The following SPTY2D1 variants were observed in gnomAD, a reference collection of about 807,000 sequenced individuals.
SPTY2D1 encodes the protein SPT2 chromatin protein domain containing 1.
A neutral mutation model predicts 64.0 loss-of-function variants in SPTY2D1; 21 were observed. The observed-to-expected ratio is 0.33, with a 90% confidence interval of 0.23 to 0.47. The LOEUF is 0.47. Ranked by LOEUF, SPTY2D1 falls within the 20% of genes least tolerant of loss-of-function variation. The probability of loss-of-function intolerance (pLI) is 1.00; values close to 1 mark genes in which losing one functional copy is unlikely to be tolerated. For synonymous variants in SPTY2D1, 287 were observed against 286.8 expected, an observed-to-expected ratio of 1.00 and a Z score of -0.01; for missense variants, 724 against 837.2, an observed-to-expected ratio of 0.86 and a Z score of 1.67.
At chr11:18,613,737 A>T in intron 3 of SPTY2D1, among the ~76,000 whole-genome samples, 1 of 152,212 alleles carries the variant, frequency 6.6e-6, no homozygotes, top group Middle Eastern at 3.2e-3. Flanking sequence ...AGCATAAAGC[A>T]AGTACGACCT....
chr11:18,623,176 A>T (rs555476898), intron 1 of SPTY2D1, among the ~76,000 whole-genome samples: 80 of 151,928 alleles, frequency 5.3e-4, no homozygotes, highest in South Asian at 1.9e-3. Flanking sequence ...TCACAAATTT[A>T]AAAAAAAACT....
chr11:18,627,647 G>C (rs1018604645), intron 1 of SPTY2D1, among the ~76,000 whole-genome samples: 2 of 152,166 alleles, frequency 1.3e-5, no homozygotes, highest in Non-Finnish European at 2.9e-5. Context: ...GGGAGGCCGA[G>C]GGGGGTGGAT....
At chr11:18,620,714 G>A (rs767576665) in intron 1 of SPTY2D1, among the ~76,000 whole-genome samples, 1 of 151,510 alleles carries the variant, frequency 6.6e-6, no homozygotes, top group South Asian at 2.1e-4. Context: ...GTGAAACCCT[G>A]TCTCTACTAA....
Position 18,612,305 on chromosome 11 carries a change from T to C in SPTY2D1, c.1886+9A>G. On this transcript the variant is annotated intron_variant, in intron 4 of 5. Transcript: ENST00000336349. The surrounding 1 kb of genome is among the most constrained non-coding windows in gnomAD (Gnocchi z 4.6). ...ATGTCATAGTTATCTGAATCTTCTT[T>C]AGTCTTACTTTTTTCGGTCATAACC... 1 of 1,582,866 alleles carries C rather than the reference T, an allele frequency of 6.3e-7. No homozygotes were observed. Among genetic ancestry groups the C allele is most frequent in the Non-Finnish European group, 8.6e-7 (1 of 1,168,162 alleles).
rs753453962 is a variant in SPTY2D1, at chr11:18,614,781, C to T, written c.1493G>A (p.Gly498Asp). 38 of 1,612,570 alleles carry T rather than the reference C, an allele frequency of 2.4e-5. No homozygotes were observed. The South Asian group carries it at 3.6e-4, about 15-fold the overall frequency. The part of the protein sequence containing the change: ...SVSGPGRSIS[G>D]SIPAGRTVSN... ...GACAGTCCGTCCAGCTGGAATTGAG[C>T]CACTTATGGATCTCCCAGGGCCACT... The change falls in exon 3 of 6, where the codon GGC becomes GAC. Residue 498 changes from glycine (G) to aspartate (D), a missense_variant. By Grantham distance (94) the Gly-to-Asp change is moderately conservative. Coordinates refer to ENST00000336349, the MANE Select transcript of SPTY2D1 (RefSeq NM_194285.3).
chr11:18,621,107 C>A (rs1424756025), intron 1 of SPTY2D1, among the ~76,000 whole-genome samples: 4 of 151,090 alleles, frequency 2.6e-5, no homozygotes, highest in Non-Finnish European at 5.9e-5. Flanking sequence ...AGTTCGAGAC[C>A]AGCCTGGTCA....
intron 2 of SPTY2D1, 78 bp downstream of exon 2, chr11:18,616,797 G>C: frequency 7.3e-7 from 1 of 1,378,158 alleles, no homozygotes; most frequent in Non-Finnish European, 1.0e-6. Flanking sequence ...TGTTTTTATA[G>C]ACAGCCACTG....
chr11:18,625,636 C>G (rs1243667715), intron 1 of SPTY2D1, among the ~76,000 whole-genome samples: 1 of 151,924 alleles, frequency 6.6e-6, no homozygotes, highest in Admixed American at 6.6e-5. Flanking sequence ...CCTTGGCTCA[C>G]TGTGGCCTCA....
intron 1 of SPTY2D1, among the ~76,000 whole-genome samples, chr11:18,622,722 CG>C (rs1466072199): frequency 6.6e-6 from 1 of 151,940 alleles, no homozygotes; most frequent in African/African-American, 2.4e-5. Flanking sequence ...GAGGCTGAGG[CG>C]GGCAGATCAC....
intron 1 of SPTY2D1, among the ~76,000 whole-genome samples, chr11:18,617,625 CAAAA>C (rs71050616): frequency 7.5e-5 from 5 of 66,352 alleles, no homozygotes; most frequent in East Asian, 4.3e-4. Flanking sequence ...GACTCCGTCT[CAAAA>C]AAAAAAAAAA....
chr11:18,625,723 G>A (rs1854484401), intron 1 of SPTY2D1, among the ~76,000 whole-genome samples: 1 of 142,726 alleles, frequency 7.0e-6, no homozygotes, highest in South Asian at 2.4e-4. Context: ...ACCACAACTG[G>A]CTATTAATAA....
intron 5 of SPTY2D1, among the ~76,000 whole-genome samples, chr11:18,611,145 CA>C (rs770528719): frequency 6.6e-6 from 1 of 151,544 alleles, no homozygotes; most frequent in African/African-American, 2.4e-5. Context: ...ACAAAACAAA[CA>C]AAAAAAACAG....
At chr11:18,630,428 T>G (rs542325699) in intron 1 of SPTY2D1, among the ~76,000 whole-genome samples, 1 of 151,080 alleles carries the variant, frequency 6.6e-6, no homozygotes, top group East Asian at 2.0e-4. Flanking sequence ...TGAGCAGAGA[T>G]AGCGCCACTG....
chr11:18,606,433 C>T lies in SPTY2D1; in HGVS notation c.*3428G>A, dbSNP rs935801756. The T allele has an allele frequency of 6.0e-6, 1 of 167,506 alleles. No homozygotes were observed. The highest frequency in any genetic ancestry group is 1.3e-5 in the Non-Finnish European group (1 of 77,912). 10.4% of individuals were successfully genotyped at this position (167,506 alleles called of 1,614,324 possible). A position where few individuals can be genotyped will look rare whatever the true frequency, so the allele number is the denominator to read the frequency against. On this transcript the variant is annotated 3_prime_UTR_variant, in exon 6 of 6. Coordinates refer to ENST00000336349, the MANE Select transcript of SPTY2D1 (RefSeq NM_194285.3). ...AAAATATTTTTAATGCCTACAATTT[C>T]TTGTATACATAAATTGCAAAACTTT...
intron 1 of SPTY2D1, among the ~76,000 whole-genome samples, chr11:18,631,854 G>A (rs1854593660): frequency 6.6e-6 from 1 of 152,118 alleles, no homozygotes; most frequent in African/African-American, 2.4e-5. Context: ...ATCAAGTAAA[G>A]CATGAAATTT....
chr11:18,620,713 T>C (rs201747815), intron 1 of SPTY2D1, among the ~76,000 whole-genome samples: 21 of 151,482 alleles, frequency 1.4e-4, no homozygotes, highest in South Asian at 1.0e-3. Flanking sequence ...AGTGAAACCC[T>C]GTCTCTACTA....
intron 1 of SPTY2D1, among the ~76,000 whole-genome samples, chr11:18,619,515 T>G (rs1485488582): frequency 6.6e-6 from 1 of 150,698 alleles, no homozygotes; most frequent in African/African-American, 2.4e-5. Flanking sequence ...TCCCAGAACT[T>G]TGGGAGGCTG....
rs1302963149 is a variant in SPTY2D1 at position 18,615,640 on chromosome 11, G to A, written c.634C>T (p.His212Tyr). ...LREREFLERK[H>Y]RRKKLETDGK... ...TCTGTCTCAAGTTTTTTTCTCCTAT[G>A]CTTTCGTTCAAGGAATTCTCGCTCC... is the stretch of plus-strand genomic sequence containing the variant. The change falls in exon 3 of 6, where the codon CAT becomes TAT. Residue 212 changes from histidine (H) to tyrosine (Y), a missense_variant. Coordinates refer to ENST00000336349, the MANE Select transcript of SPTY2D1 (RefSeq NM_194285.3). 6 of 1,614,006 alleles carry A rather than the reference G, an allele frequency of 3.7e-6. No homozygotes were observed. The highest frequency in any genetic ancestry group is 4.2e-6 in the Non-Finnish European group (5 of 1,180,022).
At position 18,615,514 on chromosome 11, in the gene SPTY2D1, T is replaced by C. The variant is rs767690061; in HGVS notation, c.760A>G (p.Lys254Glu). The C allele has an allele frequency of 1.2e-6, 2 of 1,614,234 alleles. No homozygotes were observed. Among genetic ancestry groups the C allele is most frequent in the Non-Finnish European group, 1.7e-6 (2 of 1,180,046 alleles). ...TCAGCATGAGGAAGGGGCATTCCTT[T>C]GGAAGAAGGATGCCTGTCTCCAGAA... is the stretch of plus-strand genomic sequence containing the variant. ...KGSGDRHPSS[K>E]GMPLPHAEKK... The change falls in exon 3 of 6, where the codon AAA becomes GAA. Residue 254 changes from lysine to glutamate, a missense_variant. Lys to Glu is a moderately conservative substitution (Grantham distance 56). Transcript: ENST00000336349.
Sources: gnomAD v4.1 joint callset for allele counts (sites outside exome capture counted in the v4.1 genomes callset) on GRCh38, gnomAD v4.1.1 for gene constraint, Gnocchi (gnomAD v3.1) non-coding constraint, MANE v1.5 for transcripts, NCBI Gene and HGNC (gene_info 2026-07-23, HGNC 2026-07-21) for gene names.